The following PNPLA7 variants were observed in gnomAD, a reference collection of about 807,000 sequenced individuals.
PNPLA7 encodes the protein patatin-like phospholipase domain-containing protein 7.
A neutral mutation model predicts 161.7 loss-of-function variants in PNPLA7; 153 were observed. That is an observed-to-expected ratio of 0.95 (90% confidence interval 0.83 to 1.08). PNPLA7 has a LOEUF of 1.08. PNPLA7 is among the 50% of genes least tolerant of loss of function. The probability of loss-of-function intolerance (pLI) is 0.00; values close to 1 mark genes in which losing one functional copy is unlikely to be tolerated. For missense variants in PNPLA7, 1,739 were observed against 1,856.6 expected (o/e 0.94, Z 1.16); for synonymous variants, 809 against 782.1 (o/e 1.03, Z -0.57).
At chr9:137,510,274 C>T (rs1483683187) in intron 12 of PNPLA7, among the ~76,000 whole-genome samples, 1 of 152,110 alleles carries the variant, frequency 6.6e-6, no homozygotes, top group Admixed American at 6.5e-5. Flanking sequence ...TCAGACCTGC[C>T]CACAGTTATC....
At position 137,547,991 on chromosome 9, in the gene PNPLA7, C is replaced by T. The variant is rs1360155875; in HGVS notation, c.31-332G>A. 6.6e-6 allele frequency among the ~76,000 whole-genome samples: 1 copy of T among 152,148 alleles called. No homozygotes were observed. Among genetic ancestry groups the T allele is most frequent in the Non-Finnish European group, 1.5e-5 (1 of 68,016 alleles). On this transcript the variant is annotated intron_variant, in intron 1 of 34. Coordinates refer to ENST00000406427, the MANE Select transcript of PNPLA7 (RefSeq NM_001098537.3). The surrounding 1 kb of genome is among the most constrained non-coding windows in gnomAD (Gnocchi z 4.6). Reference sequence around the variant, plus strand: ...CTGGCCAAAGGGGAGGCCAAGGCCCCCCTCTCAGTGTCGCCTCAGCCCCAG... The same window carrying T: ...CTGGCCAAAGGGGAGGCCAAGGCCCTCCTCTCAGTGTCGCCTCAGCCCCAG...
chr9:137,527,101 T>C (rs1330032056), intron 8 of PNPLA7, among the ~76,000 whole-genome samples: 45 of 152,110 alleles, frequency 3.0e-4, no homozygotes, highest in Admixed American at 2.9e-3. Flanking sequence ...ACCCCGTCTC[T>C]ACTAAAAATA....
At chr9:137,506,689 G>T (rs1176066953) in intron 12 of PNPLA7, among the ~76,000 whole-genome samples, 1 of 152,200 alleles carries the variant, frequency 6.6e-6, no homozygotes, top group Admixed American at 6.5e-5. Flanking sequence ...CGGGCTGAGC[G>T]GGATGAAGCA....
At chr9:137,460,861 C>G (rs1588519907) in intron 33 of PNPLA7, 124 bp from the exon 34 acceptor site, 1 of 805,406 alleles carries the variant, frequency 1.2e-6, no homozygotes, top group East Asian at 2.7e-5. Context: ...GCCCGGGGCC[C>G]TACACGCAGC....
chr9:137,502,010 A>G (rs988990595), intron 14 of PNPLA7, among the ~76,000 whole-genome samples: 1 of 152,258 alleles, frequency 6.6e-6, no homozygotes, highest in African/African-American at 2.4e-5. Context: ...TTTACGTAAA[A>G]GAGAGAGGAT....
chr9:137,518,062 C>T (rs1440934459), intron 11 of PNPLA7, among the ~76,000 whole-genome samples: 2 of 114,352 alleles, frequency 1.7e-5, no homozygotes, highest in Non-Finnish European at 3.5e-5. Flanking sequence ...TCACTCACTC[C>T]ACTCTGTCCA....
intron 25 of PNPLA7, among the ~76,000 whole-genome samples, chr9:137,473,140 C>T (rs1314536734): frequency 6.6e-6 from 1 of 152,110 alleles, no homozygotes; most frequent in Admixed American, 6.5e-5. Context: ...GAGAAGAGTA[C>T]AGGAAAGACC....
At chr9:137,481,077 C>A in intron 21 of PNPLA7, 54 bp from the exon 22 acceptor site, 13 of 1,532,900 alleles carry the variant, frequency 8.5e-6, no homozygotes, top group Non-Finnish European at 1.2e-5. Context: ...ACCTCCAACG[C>A]CAACAAGGCA....
chr9:137,515,435 A>T lies in PNPLA7; in HGVS notation c.1169T>A (p.Ile390Asn), dbSNP rs750316873. The stretch of plus-strand genomic sequence containing the variant: ...CCCGGGCTTCTCCAGCTCCTCCAAG[A>T]TCTGTTTGCGAATGGAAGGCGCGGG... Reference protein sequence around the residue: ...SVPAPSIRKQILEELEKPGAG... With the variant: ...SVPAPSIRKQNLEELEKPGAG... The change falls in exon 12 of 35, where the codon ATC (isoleucine) becomes AAC (asparagine). Residue 390 changes from isoleucine (I) to asparagine (N), a missense_variant. This residue lies in a region of PNPLA7 where 481 missense variants were observed against 450.0 expected (regional missense o/e 1.07). Coordinates refer to ENST00000406427, the MANE Select transcript of PNPLA7 (RefSeq NM_001098537.3). 3 of 1,603,340 alleles carry T rather than the reference A, an allele frequency of 1.9e-6. No individual in the cohort carries two copies. Among genetic ancestry groups the T allele is most frequent in the Non-Finnish European group, 2.6e-6 (3 of 1,176,146 alleles).
At chr9:137,469,517 C>A (rs1831621156) in intron 25 of PNPLA7, among the ~76,000 whole-genome samples, 1 of 152,152 alleles carries the variant, frequency 6.6e-6, no homozygotes. Context: ...AAAGAAAAAA[C>A]CTTTAAGCGA....
rs1835210538 is a variant in PNPLA7 at position 137,524,706 on chromosome 9, CCT to C, written c.748-1851_748-1850del. On this transcript the variant is annotated intron_variant, in intron 8 of 34. Transcript: ENST00000406427. The surrounding 1 kb of genome is among the most constrained non-coding windows in gnomAD (Gnocchi z 4.4). ...GCGGTGAGTGAGTTTCCATGGATGC[CCT>C]GTGTTTTGCATTCTCACCAGCAGCG... Among the ~76,000 whole-genome samples the C allele has an allele frequency of 6.6e-6, 1 of 152,152 alleles. No individual in the cohort carries two copies. Among genetic ancestry groups the C allele is most frequent in the Non-Finnish European group, 1.5e-5 (1 of 68,030 alleles).
chr9:137,513,726 A>C (rs1834354237), intron 12 of PNPLA7, among the ~76,000 whole-genome samples: 1 of 152,192 alleles, frequency 6.6e-6, no homozygotes, highest in Non-Finnish European at 1.5e-5. Flanking sequence ...AAGAGGGAAA[A>C]GAATCTCCAA....
rs778425762 is a variant in PNPLA7, at chr9:137,462,698, G to C, written c.3479C>G (p.Ala1160Gly). Residue 1160 changes from alanine (A) to glycine (G), a missense_variant, in exon 30 of 35, where the codon GCC becomes GGC. By Grantham distance (60) the Ala-to-Gly change is moderately conservative. Coordinates refer to ENST00000406427, the MANE Select transcript of PNPLA7 (RefSeq NM_001098537.3). ...WLLWKRWNPL[A>G]TKVKVLNMAE... Reference sequence around the variant, plus strand: ...GTAGCACCCCACCTTGACTTTCGTGGCCAAGGGGTTCCAGCGTTTCCACAG... The same window carrying C: ...GTAGCACCCCACCTTGACTTTCGTGCCCAAGGGGTTCCAGCGTTTCCACAG... The C allele has an allele frequency of 6.2e-7, 1 of 1,613,812 alleles. No homozygotes were observed. Among genetic ancestry groups the C allele is most frequent in the Non-Finnish European group, 8.5e-7 (1 of 1,179,958 alleles).
At chr9:137,480,743 C>T (rs997873708) in intron 22 of PNPLA7, 31 of 729,216 alleles carry the variant, frequency 4.3e-5, no homozygotes, top group African/African-American at 8.9e-5. Flanking sequence ...AGGCGGGAAG[C>T]GGGGGCTGGG....
In PNPLA7 at chr9:137,495,041, A is replaced by T; in HGVS notation, c.2119T>A (p.Tyr707Asn). The T allele has an allele frequency of 6.2e-7, 1 of 1,609,358 alleles. No homozygotes were observed. The highest frequency in any genetic ancestry group is 8.5e-7 in the Non-Finnish European group (1 of 1,178,496). The change falls in exon 19 of 35, where the codon TAC becomes AAC. Residue 707 changes from tyrosine to asparagine, a missense_variant. Coordinates refer to ENST00000406427, the MANE Select transcript of PNPLA7 (RefSeq NM_001098537.3). ...ACCCACGCCATGCTCACCTGTGGGT[A>T]CCTGCGCTTGATGGACGTGAGGGCT... ...AGALTSIKRR[Y>N]PQVVTRLIHL...
chr9:137,494,066 C>A (rs527402496), intron 19 of PNPLA7, among the ~76,000 whole-genome samples: 3 of 152,284 alleles, frequency 2.0e-5, no homozygotes, highest in African/African-American at 7.2e-5. Flanking sequence ...GTGAGAGGCA[C>A]TGGCCGTAAA....
Position 137,467,613 on chromosome 9 carries a change from A to G in PNPLA7, c.2883-140T>C, listed in dbSNP as rs1237725931. ...CAGAGAGGGACTCCAGATGCAGTTTAAAACCCCTCTTTCCGGGCTCACGCC... is the reference window on the plus strand; with the variant it reads ...CAGAGAGGGACTCCAGATGCAGTTTGAAACCCCTCTTTCCGGGCTCACGCC... On this transcript the variant is annotated intron_variant, in intron 25 of 34. Coordinates refer to ENST00000406427, the MANE Select transcript of PNPLA7 (RefSeq NM_001098537.3). This position sits in a 1 kb window ranked among gnomAD's most constrained non-coding sequence, Gnocchi z 5.1. The G allele has an allele frequency of 4.2e-6, 5 of 1,186,832 alleles. No individual in the cohort carries two copies. The highest frequency in any genetic ancestry group is 1.5e-5 in the African/African-American group (1 of 64,682). 73.5% of individuals were successfully genotyped at this position (1,186,832 alleles called of 1,614,324 possible). A position where few individuals can be genotyped will look rare whatever the true frequency, so the allele number is the denominator to read the frequency against.
intron 25 of PNPLA7, among the ~76,000 whole-genome samples, chr9:137,469,730 GAGA>G (rs140138334): frequency 0.015 from 2,325 of 152,252 alleles, 65 homozygotes; most frequent in African/African-American, 0.053. Flanking sequence ...AACAAACATA[GAGA>G]AGATTGACAA....
chr9:137,496,545 C>G (rs779316673), intron 18 of PNPLA7, among the ~76,000 whole-genome samples: 21 of 151,802 alleles, frequency 1.4e-4, no homozygotes, highest in Non-Finnish European at 2.4e-4. Flanking sequence ...AACCCCATCT[C>G]TACTAAAAAT....
Sources: gnomAD v4.1 joint callset for allele counts (sites outside exome capture counted in the v4.1 genomes callset) on GRCh38, gnomAD v4.1.1 for gene constraint, gnomAD v4.1.1 regional missense constraint, Gnocchi (gnomAD v3.1) non-coding constraint, MANE v1.5 for transcripts, NCBI Gene and HGNC (gene_info 2026-07-23, HGNC 2026-07-21) for gene names.